Variants in TEC observed in about 807,000 individuals in gnomAD.
TEC encodes the protein tyrosine-protein kinase Tec.
TEC carries 72 observed loss-of-function variants against 93.0 expected under a neutral mutation model. The ratio of observed to expected loss-of-function variants is 0.77; its 90% CI spans 0.64 to 0.94. The LOEUF (loss-of-function observed/expected upper bound fraction) is 0.94. TEC is among the 40% of genes least tolerant of loss of function. The pLI, the probability that TEC is intolerant of heterozygous loss-of-function variation, is 0.00. For missense variants in TEC, 630 were observed against 757.9 expected (o/e 0.83, Z 1.98); for synonymous variants, 249 against 247.7 (o/e 1.01, Z -0.05).
intron 17 of TEC, among the ~76,000 whole-genome samples, chr4:48,137,858 A>G (rs1719497198): frequency 6.6e-6 from 1 of 152,126 alleles, no homozygotes; most frequent in South Asian, 2.1e-4. Context: ...GCTGTCTGTT[A>G]AATAGGGCCA....
At chr4:48,227,461 G>A (rs1450011371) in intron 2 of TEC, among the ~76,000 whole-genome samples, 6 of 151,918 alleles carry the variant, frequency 3.9e-5, no homozygotes, top group Non-Finnish European at 8.8e-5. Flanking sequence ...TGGCCAATAT[G>A]GTGAAACCCC....
intron 1 of TEC, among the ~76,000 whole-genome samples, chr4:48,230,438 G>C (rs1560419103): frequency 6.6e-6 from 1 of 152,142 alleles, no homozygotes; most frequent in African/African-American, 2.4e-5. Flanking sequence ...AAAATACTAC[G>C]CAAATGTTTA....
chr4:48,143,679 T>C (rs1298357838), intron 14 of TEC, among the ~76,000 whole-genome samples: 2 of 152,182 alleles, frequency 1.3e-5, no homozygotes, highest in Admixed American at 6.5e-5. Context: ...AATTCTCTAA[T>C]ATGTTTTAAT....
chr4:48,163,037 G>C (rs1422263758), intron 8 of TEC, among the ~76,000 whole-genome samples: 5 of 151,628 alleles, frequency 3.3e-5, no homozygotes, highest in Admixed American at 3.3e-4. Context: ...TTTTAATATA[G>C]CAAAGGTACC....
At chr4:48,268,520 G>A (rs1015258986) in intron 1 of TEC, among the ~76,000 whole-genome samples, 1 of 152,232 alleles carries the variant, frequency 6.6e-6, no homozygotes, top group Non-Finnish European at 1.5e-5. Context: ...AATACATAAT[G>A]TGAAAGTTAC....
At chr4:48,231,034 G>A (rs1190927776) in intron 1 of TEC, among the ~76,000 whole-genome samples, 1 of 152,210 alleles carries the variant, frequency 6.6e-6, no homozygotes, top group Non-Finnish European at 1.5e-5. Context: ...TCAACCTTAA[G>A]TGTGTATTAG....
At chr4:48,160,175 G>A (rs928217854) in intron 8 of TEC, among the ~76,000 whole-genome samples, 1 of 152,084 alleles carries the variant, frequency 6.6e-6, no homozygotes, top group Admixed American at 6.6e-5. Flanking sequence ...ATATCTCAAG[G>A]GCATACAGCT....
chr4:48,249,610 A>G (rs1724149664), intron 1 of TEC, among the ~76,000 whole-genome samples: 1 of 152,248 alleles, frequency 6.6e-6, no homozygotes, highest in Non-Finnish European at 1.5e-5. Context: ...CCAAAGACCT[A>G]TGGCTTCACA....
intron 2 of TEC, among the ~76,000 whole-genome samples, chr4:48,187,294 G>A (rs954774296): frequency 6.6e-6 from 1 of 152,066 alleles, no homozygotes; most frequent in Non-Finnish European, 1.5e-5. Flanking sequence ...CAAACATTGC[G>A]GAAGGCCGCA....
chr4:48,228,366 A>G, intron 2 of TEC, 111 bp downstream of exon 2: 1 of 1,188,198 alleles, frequency 8.4e-7, no homozygotes, highest in African/African-American at 1.6e-5. Flanking sequence ...ATGATAATAA[A>G]TCATTACTTC....
chr4:48,137,423 C>A lies in TEC; in HGVS notation c.1889G>T (p.Gly630Val). 6.2e-7 allele frequency: 1 copy of A among 1,613,990 alleles called. No homozygotes were observed. The highest frequency in any genetic ancestry group is 8.5e-7 in the Non-Finnish European group (1 of 1,179,912). ...CCACTGGTCACACATCACTTATCTTCCAAAAGTTTCTTCACATTCAACTAG... is the reference window on the plus strand; with the variant it reads ...CCACTGGTCACACATCACTTATCTTACAAAAGTTTCTTCACATTCAACTAG... Reference protein sequence around the residue: ...DELVECEETFGR With the variant: ...DELVECEETFVR The change falls in exon 18 of 18, where the codon GGA becomes GTA. Residue 630 changes from glycine to valine, a missense_variant. Around this residue, in one of 3 missense-constraint regions of TEC, gnomAD observed 289 missense variants for 390.0 expected, o/e 0.74. Transcript: ENST00000381501.
intron 9 of TEC, among the ~76,000 whole-genome samples, chr4:48,154,656 T>C (rs775290830): frequency 2.6e-5 from 4 of 152,104 alleles, no homozygotes; most frequent in African/African-American, 9.7e-5. Flanking sequence ...AAAAATGATA[T>C]AGATAAAACT....
At chr4:48,257,964 A>C (rs1724388886) in intron 1 of TEC, among the ~76,000 whole-genome samples, 1 of 152,170 alleles carries the variant, frequency 6.6e-6, no homozygotes. Flanking sequence ...AATGGGTAAA[A>C]CTGGCATTTA....
intron 11 of TEC, among the ~76,000 whole-genome samples, chr4:48,149,152 T>C (rs1238291477): frequency 2.0e-5 from 3 of 152,218 alleles, no homozygotes; most frequent in Non-Finnish European, 4.4e-5. Flanking sequence ...CACGTGTCTT[T>C]ATAATAGAAT....
intron 2 of TEC, among the ~76,000 whole-genome samples, chr4:48,226,346 TTC>T (rs1482526825): frequency 1.4e-5 from 2 of 142,610 alleles, no homozygotes; most frequent in African/African-American, 5.2e-5. Context: ...AGAGGGATTT[TTC>T]TCTCAGTAAA....
intron 9 of TEC, chr4:48,155,849 G>A (rs976677066): frequency 2.6e-5 from 4 of 152,164 alleles, no homozygotes; most frequent in African/African-American, 9.7e-5. Context: ...AACATCCTGT[G>A]CAGAAGACTG....
intron 1 of TEC, among the ~76,000 whole-genome samples, chr4:48,244,470 A>G (rs944914088): frequency 3.3e-5 from 5 of 152,194 alleles, no homozygotes; most frequent in Non-Finnish European, 5.9e-5. Context: ...CTTATTCACT[A>G]TCACAAGAAC....
At chr4:48,238,177 G>A (rs965175489) in intron 1 of TEC, among the ~76,000 whole-genome samples, 21 of 152,100 alleles carry the variant, frequency 1.4e-4, no homozygotes, top group Non-Finnish European at 2.5e-4. Context: ...GTCATGAATT[G>A]GAGCTATTCC....
chr4:48,263,112 GT>G (rs918578823), intron 1 of TEC, among the ~76,000 whole-genome samples: 2 of 152,162 alleles, frequency 1.3e-5, no homozygotes, highest in African/African-American at 4.8e-5. Flanking sequence ...TGGGAAAGTC[GT>G]GATCATCCAC....
Sources: gnomAD v4.1 joint callset for allele counts (sites outside exome capture counted in the v4.1 genomes callset) on GRCh38, gnomAD v4.1.1 for gene constraint, gnomAD v4.1.1 regional missense constraint, MANE v1.5 for transcripts, NCBI Gene and HGNC (gene_info 2026-07-23, HGNC 2026-07-21) for gene names.